Variants in ITPR1 observed in about 807,000 individuals in gnomAD.
The protein encoded by ITPR1 is inositol 1,4,5-trisphosphate-gated calcium channel ITPR1.
Under a neutral mutation model 318.4 loss-of-function variants are expected in ITPR1, and 96 were observed. The observed-to-expected ratio is 0.30, with a 90% CI of 0.26 to 0.36. The LOEUF (loss-of-function observed/expected upper bound fraction) is 0.36, where lower values mean the gene tolerates loss of function less well. ITPR1 is among the 10% of genes least tolerant of loss of function. ITPR1 has a pLI of 1.00. For missense variants in ITPR1, 2,440 were observed against 3,460.2 expected, an observed-to-expected ratio of 0.71 and a Z score of 7.40; for synonymous variants, 1,312 against 1,289.9, an observed-to-expected ratio of 1.02 and a Z score of -0.37.
At chr3:4,534,344 G>A (rs145813695) in intron 4 of ITPR1, among the ~76,000 whole-genome samples, 3 of 152,172 alleles carry the variant, frequency 2.0e-5, no homozygotes, top group East Asian at 3.9e-4. Flanking sequence ...CCCCGGTGGC[G>A]GCTACTTCTA....
At chr3:4,526,627 C>T (rs2083000170) in intron 4 of ITPR1, among the ~76,000 whole-genome samples, 1 of 152,178 alleles carries the variant, frequency 6.6e-6, no homozygotes, top group South Asian at 2.1e-4. Flanking sequence ...CAAAGCACTT[C>T]CTTTGAATTA....
intron 44 of ITPR1, among the ~76,000 whole-genome samples, chr3:4,765,093 CA>C (rs2045729669): frequency 1.3e-5 from 2 of 151,790 alleles, no homozygotes; most frequent in African/African-American, 4.8e-5. Context: ...AGAAACGAGG[CA>C]GTAAAAGGCA....
chr3:4,745,290 C>A (rs1164001698), intron 44 of ITPR1, among the ~76,000 whole-genome samples: 1 of 151,968 alleles, frequency 6.6e-6, no homozygotes, highest in Non-Finnish European at 1.5e-5. Flanking sequence ...ATAGCCTCTG[C>A]CAGGATGTAC....
chr3:4,539,865 G>C (rs2084258851), intron 4 of ITPR1, among the ~76,000 whole-genome samples: 1 of 151,886 alleles, frequency 6.6e-6, no homozygotes, highest in Non-Finnish European at 1.5e-5. Context: ...GCTGTCACCA[G>C]ATGTGGCCTC....
intron 24 of ITPR1, 83 bp downstream of exon 24, chr3:4,676,884 C>T (rs775834118): frequency 2.5e-5 from 27 of 1,081,344 alleles, no homozygotes; most frequent in Non-Finnish European, 3.4e-5. Context: ...TGATGGAGCC[C>T]AAGGCTTTCT....
intron 55 of ITPR1, among the ~76,000 whole-genome samples, chr3:4,809,114 C>G (rs553862978): frequency 6.6e-6 from 1 of 152,270 alleles, no homozygotes; most frequent in Middle Eastern, 3.4e-3. Flanking sequence ...CCTGATGGTG[C>G]CCAGTACTAG....
At chr3:4,769,090 G>T (rs1400876175) in intron 46 of ITPR1, among the ~76,000 whole-genome samples, 3 of 151,786 alleles carry the variant, frequency 2.0e-5, no homozygotes, top group Non-Finnish European at 4.4e-5. Flanking sequence ...AGTAGAGATG[G>T]GTTTTCATCA....
intron 60 of ITPR1, among the ~76,000 whole-genome samples, chr3:4,827,589 A>C (rs2106523125): frequency 6.6e-6 from 1 of 152,298 alleles, no homozygotes; most frequent in Non-Finnish European, 1.5e-5. Context: ...CCTTTTACAA[A>C]TCCTCTCTCT....
intron 60 of ITPR1, chr3:4,831,144 C>CACACACACAT (rs1265527612): frequency 2.9e-5 from 11 of 380,502 alleles, no homozygotes; most frequent in African/African-American, 2.3e-4. Flanking sequence ...CACACACACA[C>CACACACACAT]ACACACACAC....
At chr3:4,833,215 G>A (rs529523180) in intron 60 of ITPR1, among the ~76,000 whole-genome samples, 1 of 152,302 alleles carries the variant, frequency 6.6e-6, no homozygotes, top group South Asian at 2.1e-4. Context: ...AGGGCCAGGA[G>A]GTACATATGG....
Position 4,720,162 on chromosome 3 carries a change from T to C in ITPR1, c.5136+2763T>C, listed in dbSNP as rs150246488. Among the ~76,000 whole-genome samples, 3 of 152,368 alleles carry C rather than the reference T, an allele frequency of 2.0e-5. No individual in the cohort carries two copies. In the East Asian group the frequency reaches 5.8e-4, roughly 29 times the overall value. Reference sequence around the variant, plus strand: ...GAGTGCCTGTTACGTCCAGGGGGATTTGGATACAGTGGTGCCCCAAATGGG... The same window carrying C: ...GAGTGCCTGTTACGTCCAGGGGGATCTGGATACAGTGGTGCCCCAAATGGG... On this transcript the variant is annotated intron_variant, in intron 40 of 61. Transcript: ENST00000649015.
chr3:4,551,082 T>G (rs1319896787), intron 4 of ITPR1, among the ~76,000 whole-genome samples: 1 of 152,166 alleles, frequency 6.6e-6, no homozygotes, highest in East Asian at 1.9e-4. Flanking sequence ...TGTGTATGTA[T>G]TTGAGGGGAC....
intron 40 of ITPR1, among the ~76,000 whole-genome samples, chr3:4,720,742 TCTC>T (rs1301621116): frequency 2.0e-5 from 3 of 151,988 alleles, no homozygotes; most frequent in Non-Finnish European, 2.9e-5. Flanking sequence ...CTCCTCGACT[TCTC>T]CTACTTGAGC....
In ITPR1 at chr3:4,814,575, C is replaced by A. The variant is rs529991561; in HGVS notation, c.7701+13C>A. ...GCCGTCCAAAGAGGTAAATTAATCC[C>A]GAGGGGAAGGAAGGGCAAAGGGGGC... On this transcript the variant is annotated intron_variant, in intron 58 of 61. Transcript: ENST00000649015. The A allele has an allele frequency of 1.7e-6, 2 of 1,200,874 alleles. No homozygotes were observed. The highest frequency in any genetic ancestry group is 1.3e-5 in the South Asian group (1 of 77,880). The allele number at this position is 1,200,874 out of a possible 1,614,324, so 74.4% of individuals were successfully genotyped here.
At chr3:4,811,527 G>GTCGTTATTTTCTTTAGTTC in intron 56 of ITPR1, 67 bp downstream of exon 56, 6 of 1,243,190 alleles carry the variant, frequency 4.8e-6, no homozygotes, top group Non-Finnish European at 6.8e-6. Context: ...CTGAACTAAA[G>GTCGTTATTTTCTTTAGTTC]AAAATAACGA....
Position 4,711,846 on chromosome 3 carries a change from A to C in ITPR1, c.5081A>C (p.Lys1694Thr). Residue 1694 changes from lysine to threonine, a missense_variant, in exon 39 of 62, where the codon AAA becomes ACA. Lys to Thr is a moderately conservative substitution (Grantham distance 78). Around this residue, in one of 23 missense-constraint regions of ITPR1, gnomAD observed 166 missense variants for 143.7 expected, o/e 1.16. Coordinates refer to ENST00000649015, the MANE Select transcript of ITPR1 (RefSeq NM_001378452.1). ...CAGACCCTGAGGGAAATGATGACCA[A>C]AGATAGAGGCTATGGAGAAAAGGTA... Reference protein sequence around the residue: ...VLQTLREMMTKDRGYGEKLIS... With the variant: ...VLQTLREMMTTDRGYGEKLIS... The C allele has an allele frequency of 6.6e-7, 1 of 1,525,680 alleles. No individual in the cohort carries two copies. Among genetic ancestry groups the C allele is most frequent in the South Asian group, 1.2e-5 (1 of 81,448 alleles). 94.5% of individuals were successfully genotyped at this position (1,525,680 alleles called of 1,614,324 possible). A position where few individuals can be genotyped will look rare whatever the true frequency, so the allele number is the denominator to read the frequency against.
intron 4 of ITPR1, among the ~76,000 whole-genome samples, chr3:4,584,494 A>AG (rs2089673948): frequency 6.6e-6 from 1 of 151,690 alleles, no homozygotes; most frequent in African/African-American, 2.4e-5. Context: ...CGGGGAGGAG[A>AG]GGAGAGGAGA....
At chr3:4,807,586 C>T (rs2048667959) in intron 55 of ITPR1, among the ~76,000 whole-genome samples, 1 of 152,120 alleles carries the variant, frequency 6.6e-6, no homozygotes, top group African/African-American at 2.4e-5. Flanking sequence ...TATTCCTTCC[C>T]CCGTCCAAAA....
At chr3:4,588,337 GTTTC>G (rs1381986467) in intron 4 of ITPR1, among the ~76,000 whole-genome samples, 2 of 150,342 alleles carry the variant, frequency 1.3e-5, no homozygotes, top group African/African-American at 4.9e-5. Context: ...GTGCATACCT[GTTTC>G]TTTTTTTTTT....
Sources: gnomAD v4.1 joint callset for allele counts (sites outside exome capture counted in the v4.1 genomes callset) on GRCh38, gnomAD v4.1.1 for gene constraint, gnomAD v4.1.1 regional missense constraint, MANE v1.5 for transcripts, NCBI Gene and HGNC (gene_info 2026-07-23, HGNC 2026-07-21) for gene names.